The following EFR3B variants were observed in gnomAD, a reference collection of about 807,000 sequenced individuals.
EFR3B encodes EFR3 homolog B, also known as protein EFR3 homolog B.
EFR3B carries 64 observed loss-of-function variants against 104.7 expected under a neutral mutation model. The observed-to-expected ratio is 0.61, with a 90% confidence interval of 0.50 to 0.75. The LOEUF (loss-of-function observed/expected upper bound fraction) is 0.75, where lower values mean the gene tolerates loss of function less well. Among genes scored for constraint, EFR3B ranks in the 30% least tolerant of loss-of-function variants. The pLI is 0.00. For missense variants in EFR3B, 750 were observed against 1,078.5 expected, an observed-to-expected ratio of 0.70 and a Z score of 4.27; for synonymous variants, 385 against 417.9, an observed-to-expected ratio of 0.92 and a Z score of 0.96.
At position 25,042,143 on chromosome 2, in the gene EFR3B, G is replaced by C. The variant is rs1445464985; in HGVS notation, c.-170G>C. 2.0e-5 allele frequency: 11 copies of C among 550,840 alleles called. No individual in the cohort carries two copies. The highest frequency in any genetic ancestry group is 2.4e-5 in the Non-Finnish European group (9 of 382,684). The allele number at this position is 550,840 out of a possible 1,614,324, so 34.1% of individuals were successfully genotyped here. On this transcript the variant is annotated 5_prime_UTR_variant, in exon 1 of 23. Transcript: ENST00000403714. The surrounding 1 kb of genome is among the most constrained non-coding windows in gnomAD (Gnocchi z 5.4). ...GGCGCTGAATGGGCTGGCGGCGCCC[G>C]GCTCCGTCCTGCCCGCGGCCGGCCC...
In EFR3B at chr2:25,136,175, G is replaced by A. The variant is rs777614420; in HGVS notation, c.1485-348G>A. On this transcript the variant is annotated intron_variant, in intron 13 of 22. Coordinates refer to ENST00000403714, the MANE Select transcript of EFR3B (RefSeq NM_014971.2). This position sits in a 1 kb window ranked among gnomAD's most constrained non-coding sequence, Gnocchi z 4.0. ...CTACAAGAAAATTTAAAAATTAGCC[G>A]AGTGTGGTGGCTCACACCTGTGGTC... is the stretch of plus-strand genomic sequence containing the variant. Among the ~76,000 whole-genome samples the A allele has an allele frequency of 4.6e-5, 7 of 152,032 alleles. No homozygotes were observed. Among genetic ancestry groups the A allele is most frequent in the Non-Finnish European group, 8.8e-5 (6 of 68,012 alleles).
In EFR3B at chr2:25,055,856, G is replaced by T. The variant is rs555293487; in HGVS notation, c.7+13537G>T. 2.6e-5 allele frequency among the ~76,000 whole-genome samples: 4 copies of T among 152,266 alleles called. No individual in the cohort carries two copies. The South Asian group carries it at 8.3e-4, about 32-fold the overall frequency. On this transcript the variant is annotated intron_variant, in intron 1 of 22. Coordinates refer to ENST00000403714, the MANE Select transcript of EFR3B (RefSeq NM_014971.2). The stretch of plus-strand genomic sequence containing the variant: ...CTGGAGCTCTGCAGCCTCCCTCCGG[G>T]TCTCCTCTACTGTATCTTAGAGTTT...
At chr2:25,140,465 G>T (rs1425337818) in intron 16 of EFR3B, among the ~76,000 whole-genome samples, 1 of 152,128 alleles carries the variant, frequency 6.6e-6, no homozygotes, top group African/African-American at 2.4e-5. Context: ...CAGCTTCTGG[G>T]CTGATAAGGG....
chr2:25,149,763 T>C (rs1376039947), intron 20 of EFR3B, 21 bp downstream of exon 20: 10 of 1,551,038 alleles, frequency 6.4e-6, no homozygotes, highest in Non-Finnish European at 7.9e-6. Context: ...GCAAAGGGAC[T>C]CTGGTTAGAG....
Position 25,131,738 on chromosome 2 carries a change from C to T in EFR3B, c.986-12C>T. The stretch of plus-strand genomic sequence containing the variant: ...GCCTTGGATCTCGGGTGTCCCGCCC[C>T]ACCGCTCTCAGGGCCCACAGTACTG... On this transcript the variant is annotated splice_polypyrimidine_tract_variant and intron_variant, in intron 9 of 22. Transcript: ENST00000403714. The surrounding 1 kb of genome is among the most constrained non-coding windows in gnomAD (Gnocchi z 7.6). 1 of 1,491,702 alleles carries T rather than the reference C, an allele frequency of 6.7e-7. No homozygotes were observed. Among genetic ancestry groups the T allele is most frequent in the Middle Eastern group, 1.8e-4 (1 of 5,710 alleles). The allele number at this position is 1,491,702 out of a possible 1,614,324, so 92.4% of individuals were successfully genotyped here. A position where few individuals can be genotyped will look rare whatever the true frequency, so the allele number is the denominator to read the frequency against.
At chr2:25,116,046 G>A (rs1266935946) in intron 4 of EFR3B, 2 of 152,244 alleles carry the variant, frequency 1.3e-5, no homozygotes, top group Non-Finnish European at 2.9e-5. Context: ...AGTGGGATGG[G>A]AAAGAACAGT....
chr2:25,061,396 A>G (rs1404647891), intron 1 of EFR3B, among the ~76,000 whole-genome samples: 1 of 151,564 alleles, frequency 6.6e-6, no homozygotes, highest in East Asian at 1.9e-4. Flanking sequence ...TACAGGCGGG[A>G]TGCACCGTGC....
intron 4 of EFR3B, among the ~76,000 whole-genome samples, chr2:25,119,147 C>T (rs1213913238): frequency 3.3e-5 from 5 of 152,082 alleles, no homozygotes; most frequent in South Asian, 2.1e-4. Context: ...TCATAATATT[C>T]GAAGTAGACA....
chr2:25,065,460 A>C (rs1668309530), intron 1 of EFR3B, among the ~76,000 whole-genome samples: 1 of 150,344 alleles, frequency 6.7e-6, no homozygotes, highest in South Asian at 2.1e-4. Flanking sequence ...CAAAGTGCTG[A>C]GATTACAGGT....
rs1407047425 is a variant in EFR3B at position 25,131,162 on chromosome 2, T to C, written c.850-206T>C. ...AAAAGGGCCCTGGAAAACTGTCAGC[T>C]GAGGCCTCCACTGGGATTTGGCTCT... On this transcript the variant is annotated intron_variant, in intron 8 of 22. Transcript: ENST00000403714. The surrounding 1 kb of genome is among the most constrained non-coding windows in gnomAD (Gnocchi z 7.6). Among the ~76,000 whole-genome samples the C allele has an allele frequency of 6.6e-6, 1 of 152,234 alleles. No individual in the cohort carries two copies. The highest frequency in any genetic ancestry group is 1.5e-5 in the Non-Finnish European group (1 of 68,038).
intron 1 of EFR3B, among the ~76,000 whole-genome samples, chr2:25,067,803 A>G (rs1437425362): frequency 3.3e-5 from 5 of 151,898 alleles, no homozygotes; most frequent in Non-Finnish European, 1.5e-5. Context: ...TGCCTTATTT[A>G]GCCAGCCCTC....
chr2:25,064,392 A>G (rs1668276816), intron 1 of EFR3B, among the ~76,000 whole-genome samples: 1 of 152,178 alleles, frequency 6.6e-6, no homozygotes, highest in South Asian at 2.1e-4. Flanking sequence ...CTCTGTTACT[A>G]TATTTGATAC....
intron 20 of EFR3B, 28 bp from the exon 21 acceptor site, chr2:25,151,886 G>A (rs763275772): frequency 6.3e-5 from 97 of 1,550,766 alleles, no homozygotes; most frequent in Non-Finnish European, 8.5e-5. Flanking sequence ...AGCAGGGCCT[G>A]GCACTAACCC....
chr2:25,116,564 C>T (rs909005113), intron 4 of EFR3B, among the ~76,000 whole-genome samples: 1 of 151,946 alleles, frequency 6.6e-6, no homozygotes, highest in Non-Finnish European at 1.5e-5. Flanking sequence ...GCAGAGGTTG[C>T]AGCAAACCAA....
intron 1 of EFR3B, chr2:25,081,265 C>G (rs1321156337): frequency 7.6e-6 from 8 of 1,050,950 alleles, no homozygotes; most frequent in African/African-American, 1.6e-5. Flanking sequence ...AGGCCACTTT[C>G]AAATGTTCCT....
Position 25,151,904 on chromosome 2 carries a change from T to C in EFR3B, c.2192-10T>C. On this transcript the variant is annotated splice_polypyrimidine_tract_variant and intron_variant, in intron 20 of 22. Coordinates refer to ENST00000403714, the MANE Select transcript of EFR3B (RefSeq NM_014971.2). Reference sequence around the variant, plus strand: ...AGGGCCTGGCACTAACCCAGCTCTCTGTGTCGAAGTGGACAGCGTAGCAGT... The same window carrying C: ...AGGGCCTGGCACTAACCCAGCTCTCCGTGTCGAAGTGGACAGCGTAGCAGT... 6.4e-7 allele frequency: 1 copy of C among 1,551,588 alleles called. No homozygotes were observed. The highest frequency in any genetic ancestry group is 8.7e-7 in the Non-Finnish European group (1 of 1,146,940).
intron 18 of EFR3B, among the ~76,000 whole-genome samples, chr2:25,144,235 A>C (rs2149211579): frequency 6.6e-6 from 1 of 152,324 alleles, no homozygotes; most frequent in Non-Finnish European, 1.5e-5. Flanking sequence ...CCTTGACTGT[A>C]AAACAGGAAT....
intron 1 of EFR3B, among the ~76,000 whole-genome samples, chr2:25,055,028 A>T (rs1050592857): frequency 6.6e-6 from 1 of 152,240 alleles, no homozygotes; most frequent in Non-Finnish European, 1.5e-5. Context: ...TGTTTATTCC[A>T]TGCCATTCTA....
chr2:25,083,841 A>G (rs1174356546), intron 1 of EFR3B, among the ~76,000 whole-genome samples: 1 of 152,206 alleles, frequency 6.6e-6, no homozygotes, highest in East Asian at 1.9e-4. Flanking sequence ...TCCTGGGACC[A>G]GGGGCATCAG....
Sources: allele counts gnomAD v4.1 joint callset (sites outside exome capture counted in the v4.1 genomes callset), GRCh38; gene constraint gnomAD v4.1.1; non-coding constraint Gnocchi (gnomAD v3.1); transcripts MANE v1.5; gene names NCBI Gene and HGNC (gene_info 2026-07-23, HGNC 2026-07-21).